The following AOAH variants were observed in gnomAD, a reference collection of about 807,000 sequenced individuals.
The protein encoded by AOAH is acyloxyacyl hydrolase (neutrophil).
AOAH carries 64 observed loss-of-function variants against 92.2 expected under a neutral mutation model. That is an observed-to-expected ratio of 0.69 (90% CI 0.57 to 0.86). The LOEUF (loss-of-function observed/expected upper bound fraction) is 0.86. AOAH is among the 40% of genes least tolerant of loss of function. AOAH has a pLI of 0.00. For synonymous variants in AOAH, 263 were observed against 254.5 expected (o/e 1.03, Z -0.32); for missense variants, 656 against 694.6 (o/e 0.94, Z 0.62).
chr7:36,654,977 G>A lies in AOAH; in HGVS notation c.390+4189C>T, dbSNP rs73689811. 2.1e-3 allele frequency among the ~76,000 whole-genome samples: 317 copies of A among 152,288 alleles called. 1 individual carries two copies. The highest frequency in any genetic ancestry group is 6.1e-3 in the African/African-American group (253 of 41,564). On this transcript the variant is annotated intron_variant, in intron 4 of 20. Transcript: ENST00000617537. Reference sequence around the variant, plus strand: ...TAACAGCACAGTTAAATGAGATCACGCACGTTAAGTGCAGCGGCTGGCAGG... The same window carrying A: ...TAACAGCACAGTTAAATGAGATCACACACGTTAAGTGCAGCGGCTGGCAGG...
intron 1 of AOAH, 28 bp downstream of exon 1, chr7:36,723,994 G>T (rs1799813270): frequency 6.2e-7 from 1 of 1,606,772 alleles, no homozygotes; most frequent in East Asian, 2.2e-5. Context: ...TGTCTACATA[G>T]AAAATACAAA....
chr7:36,612,181 A>AG (rs1023978193), intron 11 of AOAH, among the ~76,000 whole-genome samples: 1 of 152,038 alleles, frequency 6.6e-6, no homozygotes, highest in Non-Finnish European at 1.5e-5. Flanking sequence ...TGAGAAAAAA[A>AG]AAGTTACCTA....
intron 16 of AOAH, among the ~76,000 whole-genome samples, chr7:36,533,237 C>T (rs1784804115): frequency 6.6e-6 from 1 of 152,046 alleles, no homozygotes; most frequent in Admixed American, 6.6e-5. Context: ...CTCCCCAAAT[C>T]TCGGGGGTGA....
At position 36,637,951 on chromosome 7, in the gene AOAH, A is replaced by G. The variant is rs373796013; in HGVS notation, c.391-41T>C. 7 of 1,496,590 alleles carry G rather than the reference A, an allele frequency of 4.7e-6. No homozygotes were observed. In the African/African-American group the frequency reaches 6.9e-5, roughly 15 times the overall value. 92.7% of individuals were successfully genotyped at this position (1,496,590 alleles called of 1,614,324 possible). On this transcript the variant is annotated intron_variant, in intron 4 of 20. Transcript: ENST00000617537. ...TAGAGAACATTACAACTCATGTTTT[A>G]TCTTTTCTTCCTACATCTTTTCTAA...
At chr7:36,680,302 T>G (rs1262623240) in intron 2 of AOAH, among the ~76,000 whole-genome samples, 2 of 152,206 alleles carry the variant, frequency 1.3e-5, no homozygotes, top group Admixed American at 1.3e-4. Flanking sequence ...AAAAACTGTC[T>G]TATAGGGCAC....
chr7:36,569,496 T>TCTATCTATCTATCTATCTAC (rs1787951353), intron 13 of AOAH, among the ~76,000 whole-genome samples: 1 of 151,762 alleles, frequency 6.6e-6, no homozygotes, highest in South Asian at 2.1e-4. Context: ...TATCTATCTA[T>TCTATCTATCTATCTATCTAC]CTATCTATCT....
At chr7:36,679,914 CT>C (rs1796538866) in intron 2 of AOAH, among the ~76,000 whole-genome samples, 1 of 152,124 alleles carries the variant, frequency 6.6e-6, no homozygotes. Flanking sequence ...CCTTGGCCTC[CT>C]AAAAGTGCTG....
intron 1 of AOAH, among the ~76,000 whole-genome samples, chr7:36,723,783 A>G (rs1279328096): frequency 6.6e-6 from 1 of 152,220 alleles, no homozygotes; most frequent in African/African-American, 2.4e-5. Context: ...CCAATCGCCA[A>G]TGAGGTGGAA....
At chr7:36,617,761 C>A (rs1792002657) in intron 10 of AOAH, among the ~76,000 whole-genome samples, 1 of 152,160 alleles carries the variant, frequency 6.6e-6, no homozygotes, top group African/African-American at 2.4e-5. Flanking sequence ...GATGTTTGTG[C>A]CATCTGGGCA....
At chr7:36,652,526 T>A (rs4720209) in intron 4 of AOAH, among the ~76,000 whole-genome samples, 124,285 of 152,146 alleles carry the variant, frequency 0.82, 51,049 homozygotes, top group East Asian at 0.91. Context: ...TCTAAAGAAC[T>A]GAGTAAAGGA....
chr7:36,662,100 G>A (rs1053361887), intron 3 of AOAH, among the ~76,000 whole-genome samples: 5 of 152,092 alleles, frequency 3.3e-5, no homozygotes, highest in Non-Finnish European at 7.4e-5. Flanking sequence ...GCACCTTCCA[G>A]TAGAAAGAAC....
rs1054464014 is a variant in AOAH, at chr7:36,614,476, G to A, written c.846+1904C>T. 6.6e-6 allele frequency among the ~76,000 whole-genome samples: 1 copy of A among 152,026 alleles called. No individual in the cohort carries two copies. Among genetic ancestry groups the A allele is most frequent in the South Asian group, 2.1e-4 (1 of 4,824 alleles). On this transcript the variant is annotated intron_variant, in intron 11 of 20. Coordinates refer to ENST00000617537, the MANE Select transcript of AOAH (RefSeq NM_001637.4). The surrounding 1 kb of genome is among the most constrained non-coding windows in gnomAD (Gnocchi z 4.2). Reference sequence around the variant, plus strand: ...TTTGTTATGTGAGTGAAGTCCAGTGGGCCAACTGAGCATGTGTGAGCGAGG... The same window carrying A: ...TTTGTTATGTGAGTGAAGTCCAGTGAGCCAACTGAGCATGTGTGAGCGAGG...
intron 3 of AOAH, among the ~76,000 whole-genome samples, chr7:36,663,876 C>CT (rs145189719): frequency 3.3e-5 from 5 of 151,830 alleles, no homozygotes; most frequent in Admixed American, 6.6e-5. Context: ...AGAAACTATA[C>CT]TTTTTTTTCA....
intron 12 of AOAH, among the ~76,000 whole-genome samples, chr7:36,582,381 G>C (rs925421628): frequency 6.6e-6 from 1 of 152,144 alleles, no homozygotes; most frequent in African/African-American, 2.4e-5. Context: ...AGTGAGTCAC[G>C]TTAACTTTCC....
intron 15 of AOAH, among the ~76,000 whole-genome samples, chr7:36,545,008 A>G (rs1785709858): frequency 1.3e-5 from 2 of 152,010 alleles, no homozygotes; most frequent in South Asian, 4.1e-4. Context: ...GCCAGTTGCA[A>G]TCACATTGTT....
intron 15 of AOAH, among the ~76,000 whole-genome samples, chr7:36,542,676 C>T (rs187636071): frequency 6.6e-6 from 1 of 152,244 alleles, no homozygotes; most frequent in Admixed American, 6.5e-5. Context: ...CACCAATGTG[C>T]AAAAATGTAC....
intron 2 of AOAH, among the ~76,000 whole-genome samples, chr7:36,686,172 C>A (rs1285142335): frequency 1.3e-5 from 2 of 152,072 alleles, no homozygotes; most frequent in African/African-American, 2.4e-5. Flanking sequence ...CAGTTTCTAC[C>A]TTTGGTGGAT....
intron 13 of AOAH, among the ~76,000 whole-genome samples, chr7:36,559,016 A>T (rs1787051379): frequency 6.6e-6 from 1 of 152,218 alleles, no homozygotes; most frequent in Admixed American, 6.5e-5. Flanking sequence ...CTCCCTAGTG[A>T]GATGAACCCG....
intron 15 of AOAH, among the ~76,000 whole-genome samples, chr7:36,542,095 T>A (rs750894622): frequency 3.3e-5 from 5 of 152,180 alleles, no homozygotes; most frequent in Admixed American, 1.3e-4. Context: ...GTTGGATTAG[T>A]GTGGGCCTTA....
Sources: gnomAD v4.1 joint callset for allele counts (sites outside exome capture counted in the v4.1 genomes callset) on GRCh38, gnomAD v4.1.1 for gene constraint, Gnocchi (gnomAD v3.1) non-coding constraint, MANE v1.5 for transcripts, NCBI Gene and HGNC (gene_info 2026-07-23, HGNC 2026-07-21) for gene names.